The following PDE5A variants were observed in gnomAD, a reference collection of about 807,000 sequenced individuals.
The protein encoded by PDE5A is cGMP-specific 3',5'-cyclic phosphodiesterase.
A neutral mutation model predicts 110.2 loss-of-function variants in PDE5A; 67 were observed. The observed-to-expected ratio is 0.61, with a 90% CI of 0.50 to 0.75. PDE5A has a LOEUF of 0.75. PDE5A is among the 30% of genes least tolerant of loss of function. The pLI is 0.00. For missense variants in PDE5A, 862 were observed against 1,045.1 expected, an observed-to-expected ratio of 0.82 and a Z score of 2.42; for synonymous variants, 328 against 351.2, an observed-to-expected ratio of 0.93 and a Z score of 0.74.
Position 119,627,862 on chromosome 4 carries a change from C to T in PDE5A, c.152+658G>A. 1 of 191,252 alleles carries T rather than the reference C, an allele frequency of 5.2e-6. No homozygotes were observed. Among genetic ancestry groups the T allele is most frequent in the African/African-American group, 2.4e-5 (1 of 42,278 alleles). 11.8% of individuals were successfully genotyped at this position (191,252 alleles called of 1,614,324 possible). On this transcript the variant is annotated intron_variant, in intron 1 of 20. Transcript: ENST00000354960. This position sits in a 1 kb window ranked among gnomAD's most constrained non-coding sequence, Gnocchi z 4.6. ...CTCCAGGCGGCGCCTCCCCTGCGCC[C>T]TTTGTGTGCACGCCGCAAACCCCTC... is the stretch of plus-strand genomic sequence containing the variant.
chr4:119,539,300 C>T (rs2110484491), intron 10 of PDE5A, among the ~76,000 whole-genome samples: 1 of 151,606 alleles, frequency 6.6e-6, no homozygotes, highest in South Asian at 2.1e-4. Context: ...TATAAGCCAG[C>T]CTAGAAATAA....
At chr4:119,538,870 T>G (rs1372775003) in intron 11 of PDE5A, 90 bp downstream of exon 11, 1 of 952,224 alleles carries the variant, frequency 1.1e-6, no homozygotes, top group Admixed American at 1.7e-5. Context: ...TAATTAAACA[T>G]TTTTATAAGT....
In PDE5A at chr4:119,498,536, A is replaced by G; in HGVS notation, c.*65T>C. 2 of 1,576,638 alleles carry G rather than the reference A, an allele frequency of 1.3e-6. No homozygotes were observed. The highest frequency in any genetic ancestry group is 1.7e-6 in the Non-Finnish European group (2 of 1,148,832). On this transcript the variant is annotated 3_prime_UTR_variant, in exon 21 of 21. Coordinates refer to ENST00000354960, the MANE Select transcript of PDE5A (RefSeq NM_001083.4). Reference sequence around the variant, plus strand: ...ACAGACACTATACAGACAGTGTGTAAGAAACTAGGCATATTGCAGAACACA... The same window carrying G: ...ACAGACACTATACAGACAGTGTGTAGGAAACTAGGCATATTGCAGAACACA...
intron 20 of PDE5A, among the ~76,000 whole-genome samples, chr4:119,500,527 T>TATG (rs1725266957): frequency 1.3e-5 from 2 of 152,208 alleles, no homozygotes; most frequent in African/African-American, 4.8e-5. Flanking sequence ...CTTGACATTC[T>TATG]ATGATAACTC....
intron 19 of PDE5A, among the ~76,000 whole-genome samples, chr4:119,502,010 G>A (rs1206928124): frequency 1.3e-5 from 2 of 151,952 alleles, no homozygotes; most frequent in African/African-American, 4.8e-5. Context: ...TTTGAACAAA[G>A]GAGTAAACAA....
chr4:119,547,091 T>C (rs1324127441), intron 9 of PDE5A, among the ~76,000 whole-genome samples: 1 of 146,664 alleles, frequency 6.8e-6, no homozygotes, highest in Non-Finnish European at 1.5e-5. Context: ...TTGGTTAGAA[T>C]TTCTTTGGGC....
intron 9 of PDE5A, among the ~76,000 whole-genome samples, chr4:119,547,492 A>G (rs1727174931): frequency 6.6e-6 from 1 of 151,916 alleles, no homozygotes; most frequent in South Asian, 2.1e-4. Flanking sequence ...AGTGAGAAAG[A>G]GAAAGGTGCT....
At chr4:119,570,568 C>G (rs1191490179) in intron 3 of PDE5A, among the ~76,000 whole-genome samples, 1 of 152,210 alleles carries the variant, frequency 6.6e-6, no homozygotes, top group Non-Finnish European at 1.5e-5. Context: ...AAGGCCAAGA[C>G]TTGACTCTCA....
intron 7 of PDE5A, among the ~76,000 whole-genome samples, chr4:119,556,834 A>C (rs1454014420): frequency 6.6e-6 from 1 of 152,240 alleles, no homozygotes; most frequent in Non-Finnish European, 1.5e-5. Context: ...TCTATGTGTA[A>C]CTGGGAAACA....
intron 3 of PDE5A, among the ~76,000 whole-genome samples, chr4:119,584,261 T>G (rs939142986): frequency 1.3e-5 from 2 of 152,160 alleles, no homozygotes; most frequent in African/African-American, 4.8e-5. Flanking sequence ...ATGTAGAGAT[T>G]TCAGGGGAGA....
At chr4:119,513,860 T>C (rs1725825652) in intron 14 of PDE5A, among the ~76,000 whole-genome samples, 2 of 152,172 alleles carry the variant, frequency 1.3e-5, no homozygotes, top group Non-Finnish European at 2.9e-5. Context: ...TTAGAGAAAA[T>C]TCTTGGCTTG....
chr4:119,622,288 C>T (rs921293702), intron 1 of PDE5A, among the ~76,000 whole-genome samples: 1 of 152,112 alleles, frequency 6.6e-6, no homozygotes, highest in Non-Finnish European at 1.5e-5. Flanking sequence ...TCAGGGTCTT[C>T]TCTCTTTGTA....
At chr4:119,535,931 G>A (rs1197063071) in intron 11 of PDE5A, among the ~76,000 whole-genome samples, 1 of 152,092 alleles carries the variant, frequency 6.6e-6, no homozygotes, top group Non-Finnish European at 1.5e-5. Flanking sequence ...AGCAATTTTG[G>A]TGATTGCTGG....
intron 16 of PDE5A, among the ~76,000 whole-genome samples, chr4:119,507,364 A>G (rs1057480327): frequency 6.6e-6 from 1 of 151,932 alleles, no homozygotes; most frequent in East Asian, 1.9e-4. Flanking sequence ...TTAGATTTGT[A>G]TATAGTTTCA....
chr4:119,543,276 A>G (rs1452809442), intron 9 of PDE5A: 1 of 152,176 alleles, frequency 6.6e-6, no homozygotes, highest in Non-Finnish European at 1.5e-5. Flanking sequence ...AGATTACATC[A>G]ACATTAGGAT....
At chr4:119,523,232 AAG>A (rs2110471597) in intron 12 of PDE5A, among the ~76,000 whole-genome samples, 1 of 152,182 alleles carries the variant, frequency 6.6e-6, no homozygotes, top group African/African-American at 2.4e-5. Flanking sequence ...AAAAGATAAA[AAG>A]TGAAAATAAG....
At chr4:119,520,117 C>T (rs189599452) in intron 13 of PDE5A, among the ~76,000 whole-genome samples, 1 of 152,238 alleles carries the variant, frequency 6.6e-6, no homozygotes, top group East Asian at 1.9e-4. Context: ...TAGGAAAATA[C>T]TACTATTGTA....
Position 119,502,611 on chromosome 4 carries a change from T to C in PDE5A, c.2376A>G (p.Arg792=). The change falls in exon 19 of 21, where the codon AGA becomes AGG. Residue 792 remains arginine, a synonymous_variant. Coordinates refer to ENST00000354960, the MANE Select transcript of PDE5A (RefSeq NM_001083.4). ...GTTCTATGTTGAGTTCTTTTCTCTC[T>C]CTGTCTCCTTGATCAAAAAATTCAG... ...VATEFFDQGD[R]ERKELNIEPT... is the part of the protein sequence containing the mutation. 1.9e-6 allele frequency: 3 copies of C among 1,606,562 alleles called. No individual in the cohort carries two copies. The highest frequency in any genetic ancestry group is 2.6e-6 in the Non-Finnish European group (3 of 1,173,530).
In PDE5A at chr4:119,625,983, A is replaced by G. The variant is rs151317481; in HGVS notation, c.152+2537T>C. On this transcript the variant is annotated intron_variant, in intron 1 of 20. Coordinates refer to ENST00000354960, the MANE Select transcript of PDE5A (RefSeq NM_001083.4). ...CTCTGACAACTCTCAGCACTTTATT[A>G]TAACTCTTAAAATTGAGGACCTGCA... Among the ~76,000 whole-genome samples, 344 of 152,318 alleles carry G rather than the reference A, an allele frequency of 2.3e-3. 1 individual carries two copies. The highest frequency in any genetic ancestry group is 7.8e-3 in the African/African-American group (324 of 41,564).
Sources: gnomAD v4.1 joint callset for allele counts (sites outside exome capture counted in the v4.1 genomes callset) on GRCh38, gnomAD v4.1.1 for gene constraint, Gnocchi (gnomAD v3.1) non-coding constraint, MANE v1.5 for transcripts, NCBI Gene and HGNC (gene_info 2026-07-23, HGNC 2026-07-21) for gene names.